The following SLC4A10 variants were observed in gnomAD, a reference collection of about 807,000 sequenced individuals.
SLC4A10 encodes the protein solute carrier family 4 member 10, also known as sodium-driven chloride bicarbonate exchanger.
SLC4A10 carries 42 observed loss-of-function variants against 137.7 expected under a neutral mutation model. That is an observed-to-expected ratio of 0.30 (90% CI 0.24 to 0.39). The LOEUF (loss-of-function observed/expected upper bound fraction) is 0.39, where lower values mean the gene tolerates loss of function less well. SLC4A10 is among the 10% of genes least tolerant of loss of function. SLC4A10 has a pLI of 1.00. For synonymous variants in SLC4A10, 474 were observed against 464.1 expected, an observed-to-expected ratio of 1.02 and a Z score of -0.27; for missense variants, 925 against 1,355.0, an observed-to-expected ratio of 0.68 and a Z score of 4.98.
At chr2:161,958,167 CATAATA>C (rs905526844) in intron 20 of SLC4A10, among the ~76,000 whole-genome samples, 1 of 152,004 alleles carries the variant, frequency 6.6e-6, no homozygotes, top group East Asian at 1.9e-4. Flanking sequence ...TCCAAAGTAG[CATAATA>C]ATAATATTAT....
chr2:161,943,029 C>A, intron 16 of SLC4A10, 132 bp downstream of exon 16: 1 of 657,504 alleles, frequency 1.5e-6, no homozygotes, highest in Non-Finnish European at 2.6e-6. Flanking sequence ...ATTTTAATTT[C>A]ATCATTTCAG....
At chr2:161,655,013 A>T (rs755150422) in intron 1 of SLC4A10, among the ~76,000 whole-genome samples, 4 of 152,088 alleles carry the variant, frequency 2.6e-5, no homozygotes, top group South Asian at 2.1e-4. Flanking sequence ...TGAACACAGG[A>T]TATCTTTCCA....
chr2:161,880,188 T>C (rs913991272), intron 9 of SLC4A10, among the ~76,000 whole-genome samples: 1 of 152,152 alleles, frequency 6.6e-6, no homozygotes, highest in African/African-American at 2.4e-5. Flanking sequence ...CCCATATGGC[T>C]GGTGCCCTTT....
chr2:161,643,425 T>C (rs1319614995), intron 1 of SLC4A10, among the ~76,000 whole-genome samples: 1 of 152,140 alleles, frequency 6.6e-6, no homozygotes, highest in Admixed American at 6.5e-5. Flanking sequence ...CACATGCCAA[T>C]AAATGCTTAG....
At chr2:161,694,340 T>A (rs1420157914) in intron 1 of SLC4A10, among the ~76,000 whole-genome samples, 1 of 151,912 alleles carries the variant, frequency 6.6e-6, no homozygotes, top group African/African-American at 2.4e-5. Context: ...GCATAGGTAT[T>A]TTTTTCCCCA....
At chr2:161,795,801 A>G (rs2054709649) in intron 2 of SLC4A10, among the ~76,000 whole-genome samples, 1 of 152,124 alleles carries the variant, frequency 6.6e-6, no homozygotes, top group Admixed American at 6.6e-5. Flanking sequence ...AACACTTAGC[A>G]TAGTAGATGG....
intron 1 of SLC4A10, among the ~76,000 whole-genome samples, chr2:161,645,887 C>G (rs1202901427): frequency 6.6e-6 from 1 of 152,008 alleles, no homozygotes; most frequent in Non-Finnish European, 1.5e-5. Context: ...ATTTACAAAA[C>G]TCCTTTTTAA....
intron 1 of SLC4A10, among the ~76,000 whole-genome samples, chr2:161,767,985 C>G (rs996979478): frequency 1.3e-5 from 2 of 151,982 alleles, no homozygotes; most frequent in Non-Finnish European, 2.9e-5. Flanking sequence ...GTCCTTAGAT[C>G]AGAGTCATAT....
intron 1 of SLC4A10, among the ~76,000 whole-genome samples, chr2:161,742,176 A>C (rs1390598750): frequency 6.6e-6 from 1 of 152,160 alleles, no homozygotes; most frequent in Non-Finnish European, 1.5e-5. Flanking sequence ...TTATGGCTGA[A>C]TAGTTCTCCA....
At chr2:161,885,747 A>G (rs1212083151) in intron 10 of SLC4A10, among the ~76,000 whole-genome samples, 8 of 152,170 alleles carry the variant, frequency 5.3e-5, no homozygotes, top group East Asian at 1.9e-4. Flanking sequence ...ATATGTTGGT[A>G]TTTACCATAG....
chr2:161,715,710 A>G (rs1163422789), intron 1 of SLC4A10, among the ~76,000 whole-genome samples: 1 of 152,068 alleles, frequency 6.6e-6, no homozygotes, highest in Non-Finnish European at 1.5e-5. Flanking sequence ...CAGGGTGTCT[A>G]TGTACCACAT....
chr2:161,727,530 T>C (rs1451046116), intron 1 of SLC4A10, among the ~76,000 whole-genome samples: 18 of 152,156 alleles, frequency 1.2e-4, no homozygotes, highest in Admixed American at 1.2e-3. Context: ...GAAAAATCTT[T>C]CCAAATTTTG....
intron 1 of SLC4A10, among the ~76,000 whole-genome samples, chr2:161,665,746 T>C (rs2038965029): frequency 6.6e-6 from 1 of 151,324 alleles, no homozygotes; most frequent in Non-Finnish European, 1.5e-5. Context: ...CATATAACAC[T>C]GAGCCATAGA....
At chr2:161,731,470 C>T (rs796141628) in intron 1 of SLC4A10, among the ~76,000 whole-genome samples, 3 of 152,150 alleles carry the variant, frequency 2.0e-5, no homozygotes, top group African/African-American at 7.2e-5. Flanking sequence ...GAAGTAGTTA[C>T]TTTTAGGGAG....
chr2:161,815,960 G>T (rs2057018714), intron 3 of SLC4A10, among the ~76,000 whole-genome samples: 1 of 152,024 alleles, frequency 6.6e-6, no homozygotes, highest in Admixed American at 6.6e-5. Flanking sequence ...ACAAATGTTT[G>T]GCACTTGGTG....
At chr2:161,785,795 A>G (rs570012783) in intron 2 of SLC4A10, among the ~76,000 whole-genome samples, 219 of 151,888 alleles carry the variant, frequency 1.4e-3, no homozygotes, top group African/African-American at 5.1e-3. Flanking sequence ...AAGGATGTCT[A>G]CTCTTGCTAC....
intron 4 of SLC4A10, among the ~76,000 whole-genome samples, 156 bp downstream of exon 4, chr2:161,840,083 G>A (rs1177944354): frequency 6.6e-6 from 1 of 152,170 alleles, no homozygotes; most frequent in Non-Finnish European, 1.5e-5. Flanking sequence ...CGGGATATGG[G>A]TCAGAAAGAA....
intron 3 of SLC4A10, among the ~76,000 whole-genome samples, chr2:161,835,612 G>T (rs940723561): frequency 1.3e-5 from 2 of 152,142 alleles, no homozygotes; most frequent in Non-Finnish European, 2.9e-5. Flanking sequence ...AAAAATTGGT[G>T]AGAAATTTGC....
intron 2 of SLC4A10, among the ~76,000 whole-genome samples, chr2:161,801,947 G>A (rs927187988): frequency 3.3e-5 from 5 of 151,954 alleles, no homozygotes; most frequent in Non-Finnish European, 7.4e-5. Flanking sequence ...ATACTCTATT[G>A]TTTCTCACAT....
Sources: gnomAD v4.1 joint callset for allele counts (sites outside exome capture counted in the v4.1 genomes callset) on GRCh38, gnomAD v4.1.1 for gene constraint, MANE v1.5 for transcripts, NCBI Gene and HGNC (gene_info 2026-07-23, HGNC 2026-07-21) for gene names.